NPAS3: variants seen among roughly 807,000 people sequenced by gnomAD.
NPAS3 encodes the protein neuronal PAS domain protein 3.
NPAS3 carries 14 observed loss-of-function variants against 73.1 expected under a neutral mutation model. That is an observed-to-expected ratio of 0.19 (90% CI 0.13 to 0.30). NPAS3 has a LOEUF of 0.30. Among genes scored for constraint, NPAS3 ranks in the 10% least tolerant of loss-of-function variants. The probability of loss-of-function intolerance (pLI) is 1.00; values close to 1 mark genes in which losing one functional copy is unlikely to be tolerated. For synonymous variants in NPAS3, 620 were observed against 541.5 expected (o/e 1.14, Z -2.01); for missense variants, 1,096 against 1,250.0 (o/e 0.88, Z 1.86).
chr14:33,778,849 A>AC (rs1347758708), intron 9 of NPAS3, among the ~76,000 whole-genome samples: 2 of 152,228 alleles, frequency 1.3e-5, no homozygotes, highest in East Asian at 3.9e-4. Context: ...TGGTGGGGAA[A>AC]CCTTTGTCTT....
chr14:33,325,076 T>G (rs2043631780), intron 3 of NPAS3, among the ~76,000 whole-genome samples: 1 of 152,164 alleles, frequency 6.6e-6, no homozygotes, highest in Non-Finnish European at 1.5e-5. Flanking sequence ...TTTGTCACTT[T>G]CAACTATATA....
rs538845917 is a variant in NPAS3, at chr14:33,425,991, G to A, written c.468+58723G>A. On this transcript the variant is annotated intron_variant, in intron 4 of 11. Coordinates refer to ENST00000356141, the Ensembl canonical transcript of NPAS3. ...ACATTGTTCAAACTTGAGAACCATT[G>A]GTTTAGACTCATCAGGTCATCTTCT... 1.6e-4 allele frequency among the ~76,000 whole-genome samples: 25 copies of A among 152,142 alleles called. No individual in the cohort carries two copies. In the South Asian group the frequency reaches 5.2e-3, roughly 32 times the overall value.
Position 33,800,510 on chromosome 14 carries a change from G to T in NPAS3, c.2203G>T (p.Ala735Ser). The T allele has an allele frequency of 7.0e-7, 1 of 1,425,442 alleles. No homozygotes were observed. Among genetic ancestry groups the T allele is most frequent in the Non-Finnish European group, 9.1e-7 (1 of 1,097,198 alleles). The allele number at this position is 1,425,442 out of a possible 1,614,324, so 88.3% of individuals were successfully genotyped here. ...CCGCAAGACTCAGTTCGGCGCCTCG[G>T]CCACCGCGGCCCTGGCCCCCGTCGC... is the stretch of plus-strand genomic sequence containing the variant. Residue 735 changes from alanine (A) to serine (S), a missense_variant, in exon 12 of 12, where the codon GCC becomes TCC. Coordinates refer to ENST00000356141, the Ensembl canonical transcript of NPAS3. This position sits in a 1 kb window ranked among gnomAD's most constrained non-coding sequence, Gnocchi z 6.5.
At chr14:32,951,745 T>A (rs1377112774) in intron 1 of NPAS3, among the ~76,000 whole-genome samples, 2 of 152,124 alleles carry the variant, frequency 1.3e-5, no homozygotes, top group African/African-American at 2.4e-5. Context: ...GAAGATTTTG[T>A]GTGTTCCTAA....
chr14:33,076,016 T>G (rs1358327611), intron 2 of NPAS3, among the ~76,000 whole-genome samples: 3 of 152,218 alleles, frequency 2.0e-5, no homozygotes, highest in Non-Finnish European at 4.4e-5. Flanking sequence ...ATAATATGTA[T>G]TTTTGCATTT....
intron 5 of NPAS3, among the ~76,000 whole-genome samples, chr14:33,661,426 C>T (rs564467588): frequency 6.6e-6 from 1 of 152,256 alleles, no homozygotes; most frequent in African/African-American, 2.4e-5. Context: ...ATCTCATTTC[C>T]AATGCAAAAG....
chr14:33,135,455 A>G (rs1187315755), intron 2 of NPAS3, among the ~76,000 whole-genome samples: 3 of 152,238 alleles, frequency 2.0e-5, no homozygotes, highest in East Asian at 1.9e-4. Flanking sequence ...TTTATTAAAA[A>G]TAAGACATTC....
intron 4 of NPAS3, among the ~76,000 whole-genome samples, chr14:33,368,310 TA>T (rs66579296): frequency 0.013 from 1,842 of 144,636 alleles, 11 homozygotes; most frequent in Middle Eastern, 0.022. Context: ...GATTCTGCGT[TA>T]AAAAAAAAAA....
At chr14:33,671,435 A>G (rs546086726) in intron 5 of NPAS3, among the ~76,000 whole-genome samples, 21 of 152,222 alleles carry the variant, frequency 1.4e-4, no homozygotes, top group Non-Finnish European at 1.9e-4. Context: ...TGTGCAAATT[A>G]CATGCAAGCT....
intron 1 of NPAS3, among the ~76,000 whole-genome samples, chr14:33,049,763 G>T (rs1333030914): frequency 6.6e-6 from 1 of 152,158 alleles, no homozygotes; most frequent in African/African-American, 2.4e-5. Context: ...CAAAGCTTGG[G>T]CTCCTAAGCA....
At chr14:33,628,131 G>A (rs1380753863) in intron 5 of NPAS3, among the ~76,000 whole-genome samples, 1 of 152,096 alleles carries the variant, frequency 6.6e-6, no homozygotes, top group African/African-American at 2.4e-5. Context: ...TTATCTCTTT[G>A]TCTTACAGTT....
At chr14:33,228,304 G>A (rs1245247946) in intron 3 of NPAS3, among the ~76,000 whole-genome samples, 1 of 152,062 alleles carries the variant, frequency 6.6e-6, no homozygotes, top group Non-Finnish European at 1.5e-5. Flanking sequence ...TTAGATGATG[G>A]GTGATTTGGG....
At chr14:33,577,252 A>G (rs1272383387) in intron 5 of NPAS3, among the ~76,000 whole-genome samples, 1 of 152,144 alleles carries the variant, frequency 6.6e-6, no homozygotes, top group Non-Finnish European at 1.5e-5. Context: ...GATGCATGTG[A>G]TTTTTACATA....
At chr14:33,491,195 C>G (rs929004298) in intron 4 of NPAS3, among the ~76,000 whole-genome samples, 4 of 151,832 alleles carry the variant, frequency 2.6e-5, no homozygotes, top group African/African-American at 9.7e-5. Context: ...TTGATATTTC[C>G]AAAGCCAGTC....
chr14:33,077,813 TG>T (rs2041717918), intron 2 of NPAS3, among the ~76,000 whole-genome samples: 1 of 134,798 alleles, frequency 7.4e-6, no homozygotes, highest in South Asian at 2.4e-4. Context: ...TCAATTTATA[TG>T]AAATAGATTT....
At chr14:33,271,223 A>T (rs1350778011) in intron 3 of NPAS3, among the ~76,000 whole-genome samples, 2 of 152,178 alleles carry the variant, frequency 1.3e-5, no homozygotes, top group African/African-American at 4.8e-5. Flanking sequence ...TCTGTGCAGC[A>T]TTTCTTCCTC....
chr14:33,152,250 TC>T (rs1249469894), intron 2 of NPAS3, among the ~76,000 whole-genome samples: 1 of 152,126 alleles, frequency 6.6e-6, no homozygotes, highest in Non-Finnish European at 1.5e-5. Context: ...GGAAGGCTTT[TC>T]CAAGGTGTTG....
chr14:33,267,823 T>G (rs1195654290), intron 3 of NPAS3, among the ~76,000 whole-genome samples: 1 of 152,180 alleles, frequency 6.6e-6, no homozygotes, highest in African/African-American at 2.4e-5. Context: ...GCATTGGGCA[T>G]GCAGAGGAGT....
intron 4 of NPAS3, among the ~76,000 whole-genome samples, chr14:33,388,704 T>G (rs2046876439): frequency 6.6e-6 from 1 of 152,112 alleles, no homozygotes; most frequent in Non-Finnish European, 1.5e-5. Context: ...CTTTCCAGAT[T>G]GGGAAACTAA....
Sources: gnomAD v4.1 joint callset for allele counts (sites outside exome capture counted in the v4.1 genomes callset) on GRCh38, gnomAD v4.1.1 for gene constraint, Gnocchi (gnomAD v3.1) non-coding constraint, MANE v1.5 for transcripts, NCBI Gene and HGNC (gene_info 2026-07-23, HGNC 2026-07-21) for gene names.